Variants in KDM6B observed in about 807,000 individuals in gnomAD.
KDM6B encodes the protein lysine demethylase 6B.
KDM6B carries 22 observed loss-of-function variants against 150.4 expected under a neutral mutation model. That is an observed-to-expected ratio of 0.15 (90% CI 0.10 to 0.21). The LOEUF (loss-of-function observed/expected upper bound fraction) is 0.21. Ranked by LOEUF, KDM6B falls within the 10% of genes least tolerant of loss-of-function variation. KDM6B has a pLI of 1.00. For synonymous variants in KDM6B, 1,148 were observed against 921.1 expected (o/e 1.25, Z -4.46); for missense variants, 1,984 against 2,234.3 (o/e 0.89, Z 2.26).
At position 7,839,961 on chromosome 17, in the gene KDM6B, G is replaced by C. The variant is rs576561848; in HGVS notation, c.-332G>C. On this transcript the variant is annotated 5_prime_UTR_variant, in exon 2 of 24. Transcript: ENST00000448097. ...AGCACTGCCCACCCCACCCACTGTGGTCTGTTGTACCCCACTGCTGGGGTG... is the reference window on the plus strand; with the variant it reads ...AGCACTGCCCACCCCACCCACTGTGCTCTGTTGTACCCCACTGCTGGGGTG... 2.6e-5 allele frequency: 4 copies of C among 152,712 alleles called. No homozygotes were observed. Among genetic ancestry groups the C allele is most frequent in the Admixed American group, 1.3e-4 (2 of 15,298 alleles). 9.5% of individuals were successfully genotyped at this position (152,712 alleles called of 1,614,324 possible).
rs2078508116 is a variant in KDM6B, at chr17:7,845,251, C to A, written c.-148-63C>A. ...TTGGTGGATGCCACAGTCCGCCCAT[C>A]CCAGCCCCTGGGCCTTGACTGTGTG... On this transcript the variant is annotated intron_variant, in intron 3 of 23. Transcript: ENST00000448097. 7.4e-6 allele frequency: 4 copies of A among 541,270 alleles called. No individual in the cohort carries two copies. In the South Asian group the frequency reaches 8.1e-5, roughly 11 times the overall value. 33.5% of individuals were successfully genotyped at this position (541,270 alleles called of 1,614,324 possible).
Position 7,849,981 on chromosome 17 carries a change from G to A in KDM6B, c.3567+34G>A. The A allele has an allele frequency of 3.1e-6, 5 of 1,613,576 alleles. No homozygotes were observed. The South Asian group carries it at 5.5e-5, about 18-fold the overall frequency. Reference sequence around the variant, plus strand: ...GCCACTTGGCCTCAGAACCACCCCTGCCAGAGGGTTCTAAGACAGTGTTGG... The same window carrying A: ...GCCACTTGGCCTCAGAACCACCCCTACCAGAGGGTTCTAAGACAGTGTTGG... On this transcript the variant is annotated intron_variant, in intron 13 of 23. Coordinates refer to ENST00000448097, the MANE Select transcript of KDM6B (RefSeq NM_001348716.2).
At chr17:7,851,854 G>A (rs377239387) in intron 18 of KDM6B, 58 bp downstream of exon 18, 12 of 1,567,460 alleles carry the variant, frequency 7.7e-6, no homozygotes, top group East Asian at 7.2e-5. Context: ...GGCTGGCGGC[G>A]GCGCTCAGCC....
intron 14 of KDM6B, 74 bp from the exon 15 acceptor site, chr17:7,850,947 G>T (rs2078679806): frequency 3.0e-6 from 4 of 1,350,932 alleles, no homozygotes; most frequent in Non-Finnish European, 4.1e-6. Context: ...GAGTAGGAAG[G>T]GAAAGGGTCG....
At chr17:7,834,713 C>T (rs1401786566) in intron 1 of KDM6B, among the ~76,000 whole-genome samples, 2 of 152,024 alleles carry the variant, frequency 1.3e-5, no homozygotes, top group African/African-American at 4.8e-5. Context: ...AATGCCATGG[C>T]CCAGTAAGGT....
At position 7,844,354 on chromosome 17, in the gene KDM6B, G is replaced by C. The variant is rs2078485546; in HGVS notation, c.-268-547G>C. On this transcript the variant is annotated intron_variant, in intron 2 of 23. Transcript: ENST00000448097. This position sits in a 1 kb window ranked among gnomAD's most constrained non-coding sequence, Gnocchi z 5.9. ...GAAGTAGAGGACCTGGAGGAACTGG[G>C]TATGAGACTGGGGGCTTGACCAAGG... is the stretch of plus-strand genomic sequence containing the variant. 6.6e-6 allele frequency: 1 copy of C among 152,302 alleles called. No homozygotes were observed. The allele number at this position is 152,302 out of a possible 1,614,324, so 9.4% of individuals were successfully genotyped here.
At position 7,843,071 on chromosome 17, in the gene KDM6B, G is replaced by A. The variant is rs1247194403; in HGVS notation, c.-268-1830G>A. On this transcript the variant is annotated intron_variant, in intron 2 of 23. Coordinates refer to ENST00000448097, the MANE Select transcript of KDM6B (RefSeq NM_001348716.2). This position sits in a 1 kb window ranked among gnomAD's most constrained non-coding sequence, Gnocchi z 4.5. Reference sequence around the variant, plus strand: ...TGGAGGGACGGCACTCACTGACTTAGGGAAAGCTGAGTCAGTTCCCCGTGG... The same window carrying A: ...TGGAGGGACGGCACTCACTGACTTAAGGAAAGCTGAGTCAGTTCCCCGTGG... 6.6e-6 allele frequency among the ~76,000 whole-genome samples: 1 copy of A among 152,164 alleles called. No individual in the cohort carries two copies. Among genetic ancestry groups the A allele is most frequent in the East Asian group, 1.9e-4 (1 of 5,200 alleles).
In KDM6B at chr17:7,846,732, T is replaced by C; in HGVS notation, c.703T>C (p.Ser235Pro). The C allele has an allele frequency of 6.2e-7, 1 of 1,614,054 alleles. No individual in the cohort carries two copies. Among genetic ancestry groups the C allele is most frequent in the Non-Finnish European group, 8.5e-7 (1 of 1,179,958 alleles). ...PGGKRRRGCN[S>P]EQTGLPPGLP... is the part of the protein sequence containing the mutation. ...AGGCAAGCGAAGGAGAGGCTGCAAC[T>C]CTGAACAGGTGTGGGTATAGGGGGG... Residue 235 changes from serine to proline, a missense_variant, in exon 9 of 24, where the codon TCT (serine) becomes CCT (proline). By Grantham distance (74) the Ser-to-Pro change is moderately conservative. Around this residue, in one of 13 missense-constraint regions of KDM6B, gnomAD observed 337 missense variants for 323.9 expected, o/e 1.04. Coordinates refer to ENST00000448097, the MANE Select transcript of KDM6B (RefSeq NM_001348716.2).
In KDM6B at chr17:7,843,938, G is replaced by A. The variant is rs967804780; in HGVS notation, c.-268-963G>A. Among the ~76,000 whole-genome samples the A allele has an allele frequency of 7.3e-6, 1 of 137,708 alleles. No individual in the cohort carries two copies. Among genetic ancestry groups the A allele is most frequent in the African/African-American group, 3.0e-5 (1 of 33,010 alleles). The allele number at this position is 137,708 out of a possible 152,430, so 90.3% of individuals were successfully genotyped here. On this transcript the variant is annotated intron_variant, in intron 2 of 23. Transcript: ENST00000448097. The surrounding 1 kb of genome is among the most constrained non-coding windows in gnomAD (Gnocchi z 4.5). Reference sequence around the variant, plus strand: ...CCAGTCGGCACCAAAGCGAAAGGGTGGGGGGGGCGTGAAGGAGGAAGTGAA... The same window carrying A: ...CCAGTCGGCACCAAAGCGAAAGGGTAGGGGGGGCGTGAAGGAGGAAGTGAA...
rs2078764478 is a variant in KDM6B, at chr17:7,854,204, TGTGTCCGGGCCCGGCCCGACC to T, written c.*686_*706del. The T allele has an allele frequency of 6.6e-6, 1 of 152,234 alleles. No homozygotes were observed. Among genetic ancestry groups the T allele is most frequent in the Non-Finnish European group, 1.5e-5 (1 of 67,960 alleles). 9.4% of individuals were successfully genotyped at this position (152,234 alleles called of 1,614,324 possible). A position where few individuals can be genotyped will look rare whatever the true frequency, so the allele number is the denominator to read the frequency against. ...GCCGGGCTCTCCCCGCGCCCCAGTG[TGTGTCCGGGCCCGGCCCGACC>T]GTCTCCACCCGTCCGCCCGCGGCTC... On this transcript the variant is annotated 3_prime_UTR_variant, in exon 24 of 24. Coordinates refer to ENST00000448097, the MANE Select transcript of KDM6B (RefSeq NM_001348716.2).
chr17:7,852,749 C>G, intron 21 of KDM6B, 113 bp downstream of exon 21: 1 of 1,475,942 alleles, frequency 6.8e-7, no homozygotes, highest in Non-Finnish European at 9.4e-7. Context: ...TGCCTGTGCC[C>G]CGAGTGTTAC....
Position 7,846,859 on chromosome 17 carries a change from T to TACCACCATTACCACC in KDM6B, c.759_760insTTACCACCACCACCA (p.Pro253_Pro254insLeuProProProPro). On this transcript the variant is annotated inframe_insertion, in exon 10 of 24. Transcript: ENST00000448097. ...GGGCTGCCACTGCCTCCACCACCAT[T>TACCACCATTACCACC]ACCACCACCACCACCACCACCACCA... The TACCACCATTACCACC allele has an allele frequency of 1.6e-6, 2 of 1,214,734 alleles. No individual in the cohort carries two copies. Among genetic ancestry groups the TACCACCATTACCACC allele is most frequent in the Non-Finnish European group, 1.1e-6 (1 of 870,084 alleles). The allele number at this position is 1,214,734 out of a possible 1,614,324, so 75.2% of individuals were successfully genotyped here.
Position 7,847,596 on chromosome 17 carries a change from C to A in KDM6B, c.1308C>A (p.Gly436=), listed in dbSNP as rs751746323. 44 of 1,612,574 alleles carry A rather than the reference C, an allele frequency of 2.7e-5. No homozygotes were observed. Among genetic ancestry groups the A allele is most frequent in the South Asian group, 6.6e-5 (6 of 91,060 alleles). Reference sequence around the variant, plus strand: ...CCGCGCTGGAGGTCTCTCACCATGGCCGCCTGGGGCCCTCGGCACACAGCA... The same window carrying A: ...CCGCGCTGGAGGTCTCTCACCATGGACGCCTGGGGCCCTCGGCACACAGCA... ...QTPALEVSHH[G]RLGPSAHSSR... The change falls in exon 12 of 24, where the codon GGC becomes GGA. Residue 436 remains glycine (G), a synonymous_variant. Transcript: ENST00000448097.
rs2078610215 is a variant in KDM6B, at chr17:7,848,388, G to A, written c.2100G>A (p.Lys700=). The A allele has an allele frequency of 6.2e-7, 1 of 1,612,914 alleles. No individual in the cohort carries two copies. Among genetic ancestry groups the A allele is most frequent in the Non-Finnish European group, 8.5e-7 (1 of 1,180,022 alleles). Residue 700 remains lysine (K), a synonymous_variant, in exon 12 of 24, where the codon AAG becomes AAA. Coordinates refer to ENST00000448097, the MANE Select transcript of KDM6B (RefSeq NM_001348716.2). ...CTGATGGGCTGGCCAACATCATGAA[G>A]ATGCTGGACGAATCCATTCGCAAGG... ...ILPDGLANIM[K]MLDESIRKEE...
At chr17:7,838,133 C>T (rs1181943058) in intron 1 of KDM6B, among the ~76,000 whole-genome samples, 1 of 133,632 alleles carries the variant, frequency 7.5e-6, no homozygotes, top group Non-Finnish European at 1.6e-5. Context: ...TGGAGCCTTT[C>T]GTTTTGCAGA....
chr17:7,850,525 T>C (rs902039002), intron 14 of KDM6B, among the ~76,000 whole-genome samples: 23 of 152,240 alleles, frequency 1.5e-4, no homozygotes, highest in African/African-American at 5.3e-4. Flanking sequence ...GAAAGCTGTA[T>C]AGAAATACAA....
intron 1 of KDM6B, among the ~76,000 whole-genome samples, chr17:7,839,212 G>A (rs1043124626): frequency 6.6e-6 from 1 of 152,168 alleles, no homozygotes; most frequent in South Asian, 2.1e-4. Flanking sequence ...TTGTCTATGA[G>A]GGTTGGGAAG....
Position 7,846,456 on chromosome 17 carries a change from C to T in KDM6B, c.513C>T (p.Pro171=). 1 of 1,613,860 alleles carries T rather than the reference C, an allele frequency of 6.2e-7. No individual in the cohort carries two copies. The highest frequency in any genetic ancestry group is 2.2e-5 in the East Asian group (1 of 44,872). ...GCCAGCACCGAGCCAAGGTCCTGCC[C>T]CCACTGGAGCAAGTGTGGAACTTGC... ...GSCQHRAKVL[P]PLEQVWNLLH... Residue 171 remains proline (P), a synonymous_variant, in exon 8 of 24, where the codon CCC becomes CCT. Coordinates refer to ENST00000448097, the MANE Select transcript of KDM6B (RefSeq NM_001348716.2).
chr17:7,847,703 C>G lies in KDM6B; in HGVS notation c.1415C>G (p.Pro472Arg). ...GGACCTTCCTCACCCCCTCCACCCC[C>G]CTGTCCCCGCCTCTTACGCCCCCCA... ...PPGPSSPPPP[P>R]CPRLLRPPPP... The change falls in exon 12 of 24, where the codon CCC (proline) becomes CGC (arginine). Residue 472 changes from proline (P) to arginine (R), a missense_variant. Coordinates refer to ENST00000448097, the MANE Select transcript of KDM6B (RefSeq NM_001348716.2). The G allele has an allele frequency of 6.5e-7, 1 of 1,542,708 alleles. No homozygotes were observed. The highest frequency in any genetic ancestry group is 8.8e-7 in the Non-Finnish European group (1 of 1,142,768).
Sources: allele counts gnomAD v4.1 joint callset (sites outside exome capture counted in the v4.1 genomes callset), GRCh38; gene constraint gnomAD v4.1.1; regional missense constraint gnomAD v4.1.1; non-coding constraint Gnocchi (gnomAD v3.1); transcripts MANE v1.5; gene names NCBI Gene and HGNC (gene_info 2026-07-23, HGNC 2026-07-21).